Variants in DOP1B observed in about 807,000 individuals in gnomAD.
The protein encoded by DOP1B is DOP1 leucine zipper like protein B, also known as protein DOP1B.
In DOP1B, 174 loss-of-function variants were observed where a neutral mutation model predicts 233.5. The ratio of observed to expected loss-of-function variants is 0.75; its 90% CI spans 0.66 to 0.85. The LOEUF (loss-of-function observed/expected upper bound fraction) is 0.85, where lower values mean the gene tolerates loss of function less well. Ranked by LOEUF, DOP1B falls within the 40% of genes least tolerant of loss-of-function variation. The probability of loss-of-function intolerance (pLI) is 0.00; values close to 1 mark genes in which losing one functional copy is unlikely to be tolerated. For missense variants in DOP1B, 2,652 were observed against 2,846.6 expected (o/e 0.93, Z 1.56); for synonymous variants, 1,190 against 1,185.6 (o/e 1.00, Z -0.08).
intron 26 of DOP1B, among the ~76,000 whole-genome samples, chr21:36,266,145 C>A (rs1427564128): frequency 6.6e-6 from 1 of 152,110 alleles, no homozygotes; most frequent in Non-Finnish European, 1.5e-5. Flanking sequence ...GCTGATGGAA[C>A]TCAGGGAACA....
At chr21:36,199,454 A>T (rs7280656) in intron 3 of DOP1B, among the ~76,000 whole-genome samples, 65,413 of 150,892 alleles carry the variant, frequency 0.43, 14,545 homozygotes, top group African/African-American at 0.56. Flanking sequence ...TTTTTTTTTT[A>T]AATTTAAGTT....
At chr21:36,207,911 C>T (rs1206371028) in intron 4 of DOP1B, among the ~76,000 whole-genome samples, 1 of 152,172 alleles carries the variant, frequency 6.6e-6, no homozygotes, top group African/African-American at 2.4e-5. Flanking sequence ...CAGTCAGCTG[C>T]AGGGACACCA....
chr21:36,277,328 G>C (rs1320676807), intron 28 of DOP1B, among the ~76,000 whole-genome samples: 2 of 152,084 alleles, frequency 1.3e-5, no homozygotes, highest in South Asian at 4.1e-4. Context: ...CTGTTGCCAG[G>C]CTGGAGTGCA....
At chr21:36,292,826 C>T (rs1232304659) in intron 36 of DOP1B, among the ~76,000 whole-genome samples, 1 of 152,066 alleles carries the variant, frequency 6.6e-6, no homozygotes, top group East Asian at 1.9e-4. Context: ...ATTGGTCAGG[C>T]TGGTCTCGAA....
chr21:36,200,831 T>A (rs1209409625), intron 4 of DOP1B, among the ~76,000 whole-genome samples: 3 of 148,708 alleles, frequency 2.0e-5, no homozygotes, highest in Non-Finnish European at 3.0e-5. Flanking sequence ...CAACAGAGAC[T>A]CTGTCTCGAA....
In DOP1B at chr21:36,260,681, C is replaced by T. The variant is rs144959709; in HGVS notation, c.5264C>T (p.Ser1755Leu). ...TGGTTTTACTTTCATTTTCAGAAAT[C>T]GCCCCTAGTGGACATTCCTGTGTTG... ...PPQVKGGDEK[S>L]PLVDIPVLQF... Residue 1755 changes from serine to leucine, a missense_variant, in exon 24 of 37, where the codon TCG becomes TTG. Physicochemically the swap from Ser to Leu is moderately radical, Grantham distance 145. Around this residue, in one of 3 missense-constraint regions of DOP1B, gnomAD observed 2,617 missense variants for 2,794.3 expected, o/e 0.94. Coordinates refer to ENST00000691173, the MANE Select transcript of DOP1B (RefSeq NM_001320714.2). 32 of 1,613,800 alleles carry T rather than the reference C, an allele frequency of 2.0e-5. No homozygotes were observed. The highest frequency in any genetic ancestry group is 2.2e-5 in the Non-Finnish European group (26 of 1,179,980).
chr21:36,253,716 C>G, intron 22 of DOP1B, 56 bp from the exon 23 acceptor site: 5 of 1,576,464 alleles, frequency 3.2e-6, no homozygotes, highest in Non-Finnish European at 4.3e-6. Context: ...GATGTGTCAT[C>G]CTTATTTTTA....
At chr21:36,267,320 C>T (rs1280500802) in intron 26 of DOP1B, among the ~76,000 whole-genome samples, 2 of 152,180 alleles carry the variant, frequency 1.3e-5, no homozygotes, top group Non-Finnish European at 2.9e-5. Context: ...CTAGGAAGAA[C>T]CCGTGGTCCT....
chr21:36,201,099 C>A (rs950329144), intron 4 of DOP1B, among the ~76,000 whole-genome samples: 1 of 152,080 alleles, frequency 6.6e-6, no homozygotes, highest in African/African-American at 2.4e-5. Context: ...ACGGAGTTAC[C>A]CACAGAGTCA....
intron 10 of DOP1B, 72 bp downstream of exon 10, chr21:36,219,564 G>T: frequency 6.3e-7 from 1 of 1,576,570 alleles, no homozygotes; most frequent in Admixed American, 1.9e-5. Flanking sequence ...TTCCTCTCTT[G>T]CTTACTATAA....
intron 2 of DOP1B, among the ~76,000 whole-genome samples, chr21:36,186,840 C>A (rs938783047): frequency 2.6e-5 from 4 of 152,092 alleles, no homozygotes; most frequent in Non-Finnish European, 5.9e-5. Flanking sequence ...AGCAGAGCCT[C>A]AGAGCTATCA....
At position 36,200,408 on chromosome 21, in the gene DOP1B, T is replaced by G; in HGVS notation, c.398T>G (p.Phe133Cys). 6.2e-7 allele frequency: 1 copy of G among 1,613,672 alleles called. No individual in the cohort carries two copies. The highest frequency in any genetic ancestry group is 8.5e-7 in the Non-Finnish European group (1 of 1,180,014). The change falls in exon 4 of 37, where the codon TTC (phenylalanine) becomes TGC (cysteine). Residue 133 changes from phenylalanine (F) to cysteine (C), a missense_variant. Physicochemically the swap from Phe to Cys is radical, Grantham distance 205. This residue lies in a region of DOP1B where 2,617 missense variants were observed against 2,794.3 expected (regional missense o/e 0.94). Transcript: ENST00000691173. ...PVLLTLYEKYFLPLQKLLLPS... is the reference protein window; with the variant it reads ...PVLLTLYEKYCLPLQKLLLPS... The stretch of plus-strand genomic sequence containing the variant: ...CTGCTCACCCTGTACGAGAAGTACT[T>G]CCTCCCACTGCAGAAGCTGCTCCTG...
chr21:36,200,772 G>T (rs1267603743), intron 4 of DOP1B, among the ~76,000 whole-genome samples: 1 of 151,968 alleles, frequency 6.6e-6, no homozygotes, highest in Non-Finnish European at 1.5e-5. Flanking sequence ...GAACCTGGGA[G>T]GCGGAGCTTG....
At position 36,245,128 on chromosome 21, in the gene DOP1B, T is replaced by A; in HGVS notation, c.3148T>A (p.Ser1050Thr). Reference sequence around the variant, plus strand: ...AGTGCCCGAGCCTCAGGAGAGCGGCTCTGAAGAGCACCTGCCTCTGAGCCA... The same window carrying A: ...AGTGCCCGAGCCTCAGGAGAGCGGCACTGAAGAGCACCTGCCTCTGAGCCA... ...CAVPEPQESG[S>T]EEHLPLSQFT... Residue 1050 changes from serine (S) to threonine (T), a missense_variant, in exon 19 of 37, where the codon TCT becomes ACT. This residue lies in a region of DOP1B where 2,617 missense variants were observed against 2,794.3 expected (regional missense o/e 0.94). Coordinates refer to ENST00000691173, the MANE Select transcript of DOP1B (RefSeq NM_001320714.2). The surrounding 1 kb of genome is among the most constrained non-coding windows in gnomAD (Gnocchi z 5.5). The A allele has an allele frequency of 6.2e-7, 1 of 1,613,820 alleles. No homozygotes were observed. The highest frequency in any genetic ancestry group is 8.5e-7 in the Non-Finnish European group (1 of 1,179,974).
chr21:36,237,410 A>C lies in DOP1B; in HGVS notation c.2771A>C (p.Asp924Ala). The C allele has an allele frequency of 6.2e-7, 1 of 1,613,992 alleles. No homozygotes were observed. The highest frequency in any genetic ancestry group is 1.1e-5 in the South Asian group (1 of 91,086). Residue 924 changes from aspartate to alanine, a missense_variant, in exon 16 of 37, where the codon GAC (aspartate) becomes GCC (alanine). Coordinates refer to ENST00000691173, the MANE Select transcript of DOP1B (RefSeq NM_001320714.2). ...ATCTGCCATGCCCTCCTGGACCCTG[A>C]CAAGGTGAGCCTTTCTGGCCGCCAC... ...DIICHALLDP[D>A]KGTRLEALFR...
rs999700799 is a variant in DOP1B at position 36,293,356 on chromosome 21, GAA to G, written c.6683_6684del (p.Glu2228ValfsTer27). 1 of 1,614,024 alleles carries G rather than the reference GAA, an allele frequency of 6.2e-7. No homozygotes were observed. The highest frequency in any genetic ancestry group is 8.5e-7 in the Non-Finnish European group (1 of 1,180,044). On this transcript the variant is annotated frameshift_variant, in exon 37 of 37. Transcript: ENST00000691173. LOFTEE classifies it low-confidence loss of function (END_TRUNC). Reference protein sequence around the residue: ...SSSDEITMKSEFPLLRQHSVS... With the variant: ...SSSDEITMKSXFPLLRQHSVS... ...CTCTGATGAGATCACCATGAAGAGTGAATTCCCGCTTCTGCGCCAACATTCTG... is the reference window on the plus strand; with the variant it reads ...CTCTGATGAGATCACCATGAAGAGTGTTCCCGCTTCTGCGCCAACATTCTG...
intron 2 of DOP1B, among the ~76,000 whole-genome samples, chr21:36,179,921 C>T (rs908235100): frequency 1.1e-4 from 17 of 152,192 alleles, no homozygotes; most frequent in African/African-American, 2.6e-4. Context: ...GGTCAGTGGA[C>T]GTACAGTGAA....
intron 18 of DOP1B, among the ~76,000 whole-genome samples, chr21:36,243,368 CTTT>C (rs756474335): frequency 4.4e-5 from 6 of 134,896 alleles, no homozygotes; most frequent in Admixed American, 1.5e-4. Context: ...TCCTTTTCTT[CTTT>C]TTTTTTTTTT....
chr21:36,161,982 T>G lies in DOP1B; in HGVS notation c.-26-2726T>G, dbSNP rs372501075. Among the ~76,000 whole-genome samples, 27 of 152,328 alleles carry G rather than the reference T, an allele frequency of 1.8e-4. No homozygotes were observed. In the East Asian group the frequency reaches 1.9e-3, roughly 11 times the overall value. Reference sequence around the variant, plus strand: ...AGCGTTCCTTTGTGGATAGACCATATTTTGTGGATGGATGCTTGTCTTAGT... The same window carrying G: ...AGCGTTCCTTTGTGGATAGACCATAGTTTGTGGATGGATGCTTGTCTTAGT... On this transcript the variant is annotated intron_variant, in intron 1 of 36. Coordinates refer to ENST00000691173, the MANE Select transcript of DOP1B (RefSeq NM_001320714.2).
Sources: gnomAD v4.1 joint callset for allele counts (sites outside exome capture counted in the v4.1 genomes callset) on GRCh38, gnomAD v4.1.1 for gene constraint, gnomAD v4.1.1 regional missense constraint, Gnocchi (gnomAD v3.1) non-coding constraint, MANE v1.5 for transcripts, NCBI Gene and HGNC (gene_info 2026-07-23, HGNC 2026-07-21) for gene names.